Variants in NRXN3 observed in about 807,000 individuals in gnomAD.
NRXN3 encodes neurexin 3, also known as neurexin III.
NRXN3 carries 32 observed loss-of-function variants against 137.6 expected under a neutral mutation model. The ratio of observed to expected loss-of-function variants is 0.23; its 90% CI spans 0.18 to 0.31. The LOEUF (loss-of-function observed/expected upper bound fraction) is 0.31, where lower values mean the gene tolerates loss of function less well. Ranked by LOEUF, NRXN3 falls within the 10% of genes least tolerant of loss-of-function variation. The pLI is 1.00. For synonymous variants in NRXN3, 798 were observed against 784.5 expected, an observed-to-expected ratio of 1.02 and a Z score of -0.29; for missense variants, 1,574 against 2,062.5, an observed-to-expected ratio of 0.76 and a Z score of 4.59.
chr14:79,125,906 C>T (rs2056339140), intron 15 of NRXN3, among the ~76,000 whole-genome samples: 1 of 152,128 alleles, frequency 6.6e-6, no homozygotes. Context: ...TAAATTATTT[C>T]ATACGCTTAT....
At chr14:79,831,593 G>GGA (rs2099323834) in intron 20 of NRXN3, among the ~76,000 whole-genome samples, 1 of 152,064 alleles carries the variant, frequency 6.6e-6, no homozygotes, top group Non-Finnish European at 1.5e-5. Flanking sequence ...CACTTAGTAT[G>GGA]CCTGGAGAAA....
intron 1 of NRXN3, among the ~76,000 whole-genome samples, chr14:78,201,610 A>C (rs548583812): frequency 1.2e-4 from 18 of 152,338 alleles, no homozygotes; most frequent in African/African-American, 4.3e-4. Context: ...CTTGGCTTGC[A>C]TGGGACTTCT....
chr14:79,026,971 TA>T (rs1165207903), intron 15 of NRXN3, among the ~76,000 whole-genome samples: 4 of 518 alleles, frequency 7.7e-3, no homozygotes, highest in African/African-American at 0.011. Context: ...TATATATATA[TA>T]TATATATATA....
At chr14:79,679,941 C>T (rs756224930) in intron 17 of NRXN3, among the ~76,000 whole-genome samples, 1 of 152,120 alleles carries the variant, frequency 6.6e-6, no homozygotes, top group Non-Finnish European at 1.5e-5. Flanking sequence ...TAAATCACAG[C>T]ATTTAGCAGT....
chr14:79,742,958 T>C (rs1329329928), intron 19 of NRXN3, among the ~76,000 whole-genome samples: 1 of 152,172 alleles, frequency 6.6e-6, no homozygotes, highest in African/African-American at 2.4e-5. Context: ...TATTTTGTTC[T>C]GCCCTATAAT....
At chr14:79,371,627 A>T (rs984617751) in intron 15 of NRXN3, among the ~76,000 whole-genome samples, 1 of 152,146 alleles carries the variant, frequency 6.6e-6, no homozygotes, top group African/African-American at 2.4e-5. Flanking sequence ...TATTTAATAG[A>T]TCAAATTAGT....
chr14:78,847,540 G>A (rs969827469), intron 10 of NRXN3, among the ~76,000 whole-genome samples: 4 of 152,076 alleles, frequency 2.6e-5, no homozygotes, highest in African/African-American at 9.7e-5. Context: ...AGTGAAGTGA[G>A]AGCATGGAGG....
intron 10 of NRXN3, among the ~76,000 whole-genome samples, chr14:78,889,171 C>G (rs373463619): frequency 2.4e-4 from 36 of 152,048 alleles, no homozygotes; most frequent in African/African-American, 7.5e-4. Flanking sequence ...ATCATCATTC[C>G]ATTTCTTATG....
intron 16 of NRXN3, among the ~76,000 whole-genome samples, chr14:79,663,448 A>G (rs2098544084): frequency 6.6e-6 from 1 of 152,044 alleles, no homozygotes; most frequent in South Asian, 2.1e-4. Flanking sequence ...CTCTTAGTAA[A>G]CAGGCCTAAT....
chr14:79,774,577 C>A (rs978355591), intron 19 of NRXN3, among the ~76,000 whole-genome samples: 2 of 152,042 alleles, frequency 1.3e-5, no homozygotes, highest in African/African-American at 4.8e-5. Flanking sequence ...ATAATCAGAC[C>A]GTTAATGAAT....
At chr14:79,401,646 A>G (rs147275508) in intron 15 of NRXN3, among the ~76,000 whole-genome samples, 314 of 152,278 alleles carry the variant, frequency 2.1e-3, no homozygotes, top group African/African-American at 7.3e-3. Context: ...GTCACGTGAG[A>G]AAACAGTAAC....
chr14:79,063,708 G>A (rs749373352), intron 15 of NRXN3, among the ~76,000 whole-genome samples: 1 of 152,108 alleles, frequency 6.6e-6, no homozygotes, highest in Admixed American at 6.6e-5. Context: ...AATACAAGCC[G>A]AGGAAAGAGA....
chr14:79,619,087 C>T (rs221504), intron 16 of NRXN3, among the ~76,000 whole-genome samples: 59,344 of 151,698 alleles, frequency 0.39, 16,069 homozygotes, highest in African/African-American at 0.77. Context: ...AAGTTTCTTA[C>T]GGATTCTAGA....
intron 4 of NRXN3, among the ~76,000 whole-genome samples, chr14:78,415,513 C>G (rs571793118): frequency 6.6e-6 from 1 of 152,132 alleles, no homozygotes; most frequent in African/African-American, 2.4e-5. Flanking sequence ...GTGAACTTAG[C>G]TGGGCCTGGG....
At chr14:79,846,326 G>A (rs2099372106) in intron 20 of NRXN3, among the ~76,000 whole-genome samples, 1 of 152,138 alleles carries the variant, frequency 6.6e-6, no homozygotes, top group Non-Finnish European at 1.5e-5. Context: ...GAACAAAAAT[G>A]TCCCATGTAA....
At chr14:79,499,173 C>T (rs1406375650) in intron 16 of NRXN3, among the ~76,000 whole-genome samples, 1 of 152,182 alleles carries the variant, frequency 6.6e-6, no homozygotes, top group African/African-American at 2.4e-5. Context: ...AATCTAAGTG[C>T]ATTACCAAAG....
intron 8 of NRXN3, 84 bp downstream of exon 8, chr14:78,715,223 G>C (rs918367244): frequency 4.8e-6 from 7 of 1,470,398 alleles, no homozygotes; most frequent in Non-Finnish European, 5.5e-6. Flanking sequence ...CCAAGCCTTC[G>C]CACCTACCTG....
Position 78,802,190 on chromosome 14 carries a change from C to T in NRXN3, c.2045-1430C>T, listed in dbSNP as rs373930126. ...TCACATGTTGAACATCATAGTGTTT[C>T]AAAACAGCCCCTGGACTTGGTATCA... On this transcript the variant is annotated intron_variant, in intron 8 of 20. Transcript: ENST00000335750. Among the ~76,000 whole-genome samples, 125 of 152,270 alleles carry T rather than the reference C, an allele frequency of 8.2e-4. 1 individual carries two copies. Among genetic ancestry groups the T allele is most frequent in the Middle Eastern group, 3.4e-3 (1 of 294 alleles).
At chr14:79,379,162 GA>G (rs907914236) in intron 15 of NRXN3, among the ~76,000 whole-genome samples, 3 of 151,770 alleles carry the variant, frequency 2.0e-5, no homozygotes, top group Admixed American at 1.3e-4. Context: ...TTTTTTCCAG[GA>G]AAAAATTTTA....
Sources: gnomAD v4.1 joint callset for allele counts (sites outside exome capture counted in the v4.1 genomes callset) on GRCh38, gnomAD v4.1.1 for gene constraint, MANE v1.5 for transcripts, NCBI Gene and HGNC (gene_info 2026-07-23, HGNC 2026-07-21) for gene names.